The following MB21D2 variants were observed in gnomAD, a reference collection of about 807,000 sequenced individuals.
MB21D2 encodes the protein nucleotidyltransferase MB21D2.
In MB21D2, 9 loss-of-function variants were observed where a neutral mutation model predicts 33.3. That is an observed-to-expected ratio of 0.27 (90% CI 0.16 to 0.47). The LOEUF (loss-of-function observed/expected upper bound fraction) is 0.47. Ranked by LOEUF, MB21D2 falls within the 20% of genes least tolerant of loss-of-function variation. The pLI is 0.99. For synonymous variants in MB21D2, 241 were observed against 236.3 expected (o/e 1.02, Z -0.18); for missense variants, 540 against 624.6 (o/e 0.86, Z 1.44).
intron 1 of MB21D2, among the ~76,000 whole-genome samples, chr3:192,814,501 A>G (rs1022231850): frequency 6.6e-6 from 1 of 152,288 alleles, no homozygotes. Flanking sequence ...TTTGCAGTTT[A>G]AAAGCACGGG....
rs929861278 is a variant in MB21D2, at chr3:192,912,335, CAGAG to C, written c.211+5291_211+5294del. Among the ~76,000 whole-genome samples, 93 of 152,052 alleles carry C rather than the reference CAGAG, an allele frequency of 6.1e-4. 2 individuals are homozygous for C. The highest frequency in any genetic ancestry group is 1.5e-4 in the Non-Finnish European group (10 of 68,032). On this transcript the variant is annotated intron_variant, in intron 1 of 1. Transcript: ENST00000392452. ...GTATTTGTCAAATGCGTGAAAAAAACAGAGGGAGAGAAAGAGGGACAGAGACAGG... is the reference window on the plus strand; with the variant it reads ...GTATTTGTCAAATGCGTGAAAAAAACGGAGAGAAAGAGGGACAGAGACAGG...
intron 1 of MB21D2, among the ~76,000 whole-genome samples, chr3:192,818,719 A>G (rs768957836): frequency 1.3e-4 from 20 of 151,970 alleles, no homozygotes; most frequent in South Asian, 8.3e-4. Flanking sequence ...ACAAAGTCAA[A>G]TAGGTTTTGG....
At position 192,798,083 on chromosome 3, in the gene MB21D2, G is replaced by C; in HGVS notation, c.*303C>G. Reference sequence around the variant, plus strand: ...TGCACCAAGTATGAAACAGAAAAAAGCAAGAGGATTCATGGGCATTTTCAT... The same window carrying C: ...TGCACCAAGTATGAAACAGAAAAAACCAAGAGGATTCATGGGCATTTTCAT... On this transcript the variant is annotated 3_prime_UTR_variant, in exon 2 of 2. Transcript: ENST00000392452. This position sits in a 1 kb window ranked among gnomAD's most constrained non-coding sequence, Gnocchi z 4.8. 3.7e-6 allele frequency: 1 copy of C among 268,442 alleles called. No individual in the cohort carries two copies. Among genetic ancestry groups the C allele is most frequent in the Non-Finnish European group, 7.1e-6 (1 of 141,186 alleles). 16.6% of individuals were successfully genotyped at this position (268,442 alleles called of 1,614,324 possible).
intron 1 of MB21D2, among the ~76,000 whole-genome samples, chr3:192,908,899 A>C (rs570890660): frequency 1.3e-5 from 2 of 152,158 alleles, no homozygotes; most frequent in Non-Finnish European, 2.9e-5. Context: ...ATCCCTGCAG[A>C]GAATAGCATA....
chr3:192,877,473 T>G (rs1713456496), intron 1 of MB21D2, among the ~76,000 whole-genome samples: 1 of 152,168 alleles, frequency 6.6e-6, no homozygotes, highest in African/African-American at 2.4e-5. Flanking sequence ...AATATCTGAA[T>G]TTTTGTTCAT....
Position 192,798,412 on chromosome 3 carries a change from A to C in MB21D2, c.1450T>G (p.Phe484Val). 1 of 1,614,112 alleles carries C rather than the reference A, an allele frequency of 6.2e-7. No individual in the cohort carries two copies. Among genetic ancestry groups the C allele is most frequent in the African/African-American group, 1.3e-5 (1 of 75,054 alleles). Residue 484 changes from phenylalanine (F) to valine (V), a missense_variant, in exon 2 of 2, where the codon TTC (phenylalanine) becomes GTC (valine). Phe to Val is a conservative substitution (Grantham distance 50, BLOSUM62 -1). Coordinates refer to ENST00000392452, the MANE Select transcript of MB21D2 (RefSeq NM_178496.4). The surrounding 1 kb of genome is among the most constrained non-coding windows in gnomAD (Gnocchi z 4.8). Reference sequence around the variant, plus strand: ...CAGAAAAATTTGTCATCAATTCTGAAATGGGGCCTTGTGACATCGTCAGGA... The same window carrying C: ...CAGAAAAATTTGTCATCAATTCTGACATGGGGCCTTGTGACATCGTCAGGA... ...INPDDVTRPHFRIDDKFF is the reference protein window; with the variant it reads ...INPDDVTRPHVRIDDKFF
At chr3:192,906,137 A>G (rs1714211320) in intron 1 of MB21D2, among the ~76,000 whole-genome samples, 1 of 152,212 alleles carries the variant, frequency 6.6e-6, no homozygotes, top group Non-Finnish European at 1.5e-5. Flanking sequence ...AGTTTGAACC[A>G]TAAATCATAA....
chr3:192,797,845 T>C lies in MB21D2; in HGVS notation c.*541A>G, dbSNP rs1371799903. ...ATTATCACTTTCAAAGTTTACATTG[T>C]TTGGTGGAAAAGGGGGGAAACTACT... On this transcript the variant is annotated 3_prime_UTR_variant, in exon 2 of 2. Transcript: ENST00000392452. 1.3e-5 allele frequency: 2 copies of C among 152,816 alleles called. No individual in the cohort carries two copies. Among genetic ancestry groups the C allele is most frequent in the Non-Finnish European group, 2.9e-5 (2 of 68,208 alleles). 9.5% of individuals were successfully genotyped at this position (152,816 alleles called of 1,614,324 possible).
In MB21D2 at chr3:192,798,175, C is replaced by G. The variant is rs1477131570; in HGVS notation, c.*211G>C. On this transcript the variant is annotated 3_prime_UTR_variant, in exon 2 of 2. Transcript: ENST00000392452. The surrounding 1 kb of genome is among the most constrained non-coding windows in gnomAD (Gnocchi z 4.8). ...AAACTAAAGAGCATGACAATAACTA[C>G]AAAAAGTAAACAACGAAATCAGAGG... 4 of 547,586 alleles carry G rather than the reference C, an allele frequency of 7.3e-6. No individual in the cohort carries two copies. Among genetic ancestry groups the G allele is most frequent in the Non-Finnish European group, 1.3e-5 (4 of 318,766 alleles). The allele number at this position is 547,586 out of a possible 1,614,324, so 33.9% of individuals were successfully genotyped here.
chr3:192,842,634 T>G (rs967864163), intron 1 of MB21D2, among the ~76,000 whole-genome samples: 11 of 152,028 alleles, frequency 7.2e-5, no homozygotes, highest in African/African-American at 2.4e-4. Flanking sequence ...CAGAGAAAAT[T>G]CAAAAAATAA....
intron 1 of MB21D2, among the ~76,000 whole-genome samples, chr3:192,895,234 C>T (rs930563570): frequency 2.0e-5 from 3 of 152,134 alleles, no homozygotes; most frequent in African/African-American, 7.2e-5. Context: ...CCCATGTCAC[C>T]ACCTTCACCC....
chr3:192,856,656 C>T (rs1406996444), intron 1 of MB21D2, among the ~76,000 whole-genome samples: 1 of 152,112 alleles, frequency 6.6e-6, no homozygotes, highest in Non-Finnish European at 1.5e-5. Flanking sequence ...CAGGCTCAAG[C>T]GATCCCCCTA....
rs566721278 is a variant in MB21D2, at chr3:192,837,881, T to A, written c.212-38231A>T. On this transcript the variant is annotated intron_variant, in intron 1 of 1. Transcript: ENST00000392452. ...TCATATCAAGTCAGTATCAGAAACA[T>A]CAGAAACCTGGAGGTACCGCCCATC... 9.2e-5 allele frequency among the ~76,000 whole-genome samples: 14 copies of A among 152,334 alleles called. No homozygotes were observed. In the East Asian group the frequency reaches 2.1e-3, roughly 23 times the overall value.
intron 1 of MB21D2, among the ~76,000 whole-genome samples, chr3:192,913,393 G>A (rs537167803): frequency 3.3e-4 from 50 of 152,254 alleles, no homozygotes; most frequent in African/African-American, 1.2e-3. Context: ...GCGAGACCCT[G>A]TCTCAAATAA....
rs114275958 is a variant in MB21D2 at position 192,816,951 on chromosome 3, C to A, written c.212-17301G>T. Among the ~76,000 whole-genome samples the A allele has an allele frequency of 8.8e-3, 1,344 of 152,104 alleles. 14 individuals are homozygous for A. Among genetic ancestry groups the A allele is most frequent in the African/African-American group, 0.03 (1,265 of 41,484 alleles). ...TTAATTGAAACAGTTACATAAAGCT[C>A]CAAGCAGAGTTTCTGGAACTTTGCA... On this transcript the variant is annotated intron_variant, in intron 1 of 1. Transcript: ENST00000392452.
chr3:192,881,375 G>C (rs971375224), intron 1 of MB21D2, among the ~76,000 whole-genome samples: 1 of 152,068 alleles, frequency 6.6e-6, no homozygotes, highest in African/African-American at 2.4e-5. Flanking sequence ...TTCTGGGGCA[G>C]GGGAAACTAG....
chr3:192,815,031 A>C (rs894885190), intron 1 of MB21D2, among the ~76,000 whole-genome samples: 3 of 152,242 alleles, frequency 2.0e-5, no homozygotes, highest in Non-Finnish European at 2.9e-5. Flanking sequence ...TTCTAGCCAG[A>C]AATTATTAAC....
At position 192,798,439 on chromosome 3, in the gene MB21D2, T is replaced by C; in HGVS notation, c.1423A>G (p.Asn475Asp). 6.2e-7 allele frequency: 1 copy of C among 1,614,206 alleles called. No individual in the cohort carries two copies. Among genetic ancestry groups the C allele is most frequent in the Non-Finnish European group, 8.5e-7 (1 of 1,180,048 alleles). The change falls in exon 2 of 2, where the codon AAT (asparagine) becomes GAT (aspartate). Residue 475 changes from asparagine (N) to aspartate (D), a missense_variant. By Grantham distance (23) the Asn-to-Asp change is conservative. Transcript: ENST00000392452. This position sits in a 1 kb window ranked among gnomAD's most constrained non-coding sequence, Gnocchi z 4.8. ...NPGKSISVFI[N>D]PDDVTRPHFR... ...TGGGGCCTTGTGACATCGTCAGGATTGATAAAGACAGAGATTGACTTTCCC... is the reference window on the plus strand; with the variant it reads ...TGGGGCCTTGTGACATCGTCAGGATCGATAAAGACAGAGATTGACTTTCCC...
intron 1 of MB21D2, among the ~76,000 whole-genome samples, chr3:192,838,645 G>C (rs999763524): frequency 6.6e-6 from 1 of 151,992 alleles, no homozygotes; most frequent in African/African-American, 2.4e-5. Context: ...AGCCAGGATG[G>C]TCTCAATTTC....
Sources: allele counts gnomAD v4.1 joint callset (sites outside exome capture counted in the v4.1 genomes callset), GRCh38; gene constraint gnomAD v4.1.1; non-coding constraint Gnocchi (gnomAD v3.1); transcripts MANE v1.5; gene names NCBI Gene and HGNC (gene_info 2026-07-23, HGNC 2026-07-21).